The following SPATA6 variants were observed in gnomAD, a reference collection of about 807,000 sequenced individuals.
The protein encoded by SPATA6 is spermatogenesis associated 6, also known as spermatogenesis-associated protein 6.
Under a neutral mutation model 65.3 loss-of-function variants are expected in SPATA6, and 56 were observed. The observed-to-expected ratio is 0.86, with a 90% confidence interval of 0.69 to 1.07. The LOEUF is 1.07. Among genes scored for constraint, SPATA6 ranks in the 50% least tolerant of loss-of-function variants. SPATA6 has a pLI of 0.00. For synonymous variants in SPATA6, 199 were observed against 213.2 expected, an observed-to-expected ratio of 0.93 and a Z score of 0.58; for missense variants, 590 against 594.8, an observed-to-expected ratio of 0.99 and a Z score of 0.08.
chr1:48,460,289 T>C (rs1388172866), intron 1 of SPATA6, among the ~76,000 whole-genome samples: 1 of 152,186 alleles, frequency 6.6e-6, no homozygotes, highest in Non-Finnish European at 1.5e-5. Flanking sequence ...CTAAAAGGTA[T>C]ATTACAGCAT....
chr1:48,346,018 C>T (rs1646354674), intron 11 of SPATA6, among the ~76,000 whole-genome samples: 1 of 151,864 alleles, frequency 6.6e-6, no homozygotes, highest in Admixed American at 6.6e-5. Context: ...ATCCTGATGT[C>T]AAAACCTGGA....
rs150661825 is a variant in SPATA6 at position 48,368,769 on chromosome 1, T to C, written c.910-8999A>G. Among the ~76,000 whole-genome samples, 273 of 152,312 alleles carry C rather than the reference T, an allele frequency of 1.8e-3. 2 individuals are homozygous for C. The highest frequency in any genetic ancestry group is 0.015 in the East Asian group (80 of 5,178). ...CCTCCTGTAGCTCGGAGTAGTTTGA[T>C]CGTCCGAAGACTTCTTCTCTCAACT... On this transcript the variant is annotated intron_variant, in intron 9 of 12. Coordinates refer to ENST00000371847, the MANE Select transcript of SPATA6 (RefSeq NM_019073.4).
At chr1:48,464,837 T>C (rs564568902) in intron 1 of SPATA6, among the ~76,000 whole-genome samples, 32 of 152,294 alleles carry the variant, frequency 2.1e-4, no homozygotes, top group Admixed American at 2.1e-3. Context: ...TAATTATTGG[T>C]GATTATACAT....
intron 3 of SPATA6, among the ~76,000 whole-genome samples, chr1:48,429,069 A>G (rs1390787729): frequency 6.6e-6 from 1 of 151,592 alleles, no homozygotes; most frequent in African/African-American, 2.4e-5. Flanking sequence ...TCAAACTCCA[A>G]CCCACTGCAG....
intron 9 of SPATA6, among the ~76,000 whole-genome samples, chr1:48,364,840 C>A (rs768890254): frequency 6.6e-6 from 1 of 152,002 alleles, no homozygotes; most frequent in Non-Finnish European, 1.5e-5. Context: ...TTGTTGCCAC[C>A]GCTTTTGGTG....
intron 8 of SPATA6, 104 bp from the exon 9 acceptor site, chr1:48,385,453 G>T: frequency 1.0e-6 from 1 of 987,140 alleles, no homozygotes; most frequent in Non-Finnish European, 1.5e-6. Flanking sequence ...GAATATTTCA[G>T]AGATACTTCA....
At chr1:48,295,370 T>TGAG (rs1012709205), downstream of SPATA6, 1 of 152,160 alleles carries the variant, frequency 6.6e-6, no homozygotes, top group Non-Finnish European at 1.5e-5. Flanking sequence ...AAACAAAATG[T>TGAG]GGTATATTCA....
chr1:48,421,563 T>C (rs1368704321), intron 3 of SPATA6, among the ~76,000 whole-genome samples: 1 of 152,000 alleles, frequency 6.6e-6, no homozygotes, highest in Non-Finnish European at 1.5e-5. Context: ...ATATTTGAAA[T>C]AGACTGAAAA....
At chr1:48,437,674 G>A (rs1293308059) in intron 3 of SPATA6, among the ~76,000 whole-genome samples, 1 of 152,010 alleles carries the variant, frequency 6.6e-6, no homozygotes, top group Non-Finnish European at 1.5e-5. Context: ...CCCTTTTCTG[G>A]TAGAGGGAAA....
intron 4 of SPATA6, 152 bp from the exon 5 acceptor site, chr1:48,411,740 GAT>G: frequency 1.5e-6 from 1 of 649,098 alleles, no homozygotes; most frequent in Non-Finnish European, 2.2e-6. Context: ...TTAAAATAAA[GAT>G]ATGTTAAAAA....
intron 11 of SPATA6, among the ~76,000 whole-genome samples, chr1:48,326,778 C>A (rs1020563504): frequency 6.6e-6 from 1 of 152,004 alleles, no homozygotes; most frequent in Non-Finnish European, 1.5e-5. Context: ...CAATGAATAG[C>A]GCTGGGAGAA....
the SPATA6 span, among the ~76,000 whole-genome samples, chr1:48,287,391 C>T: frequency 1.3e-5 from 2 of 152,178 alleles, no homozygotes; most frequent in Non-Finnish European, 2.9e-5. Context: ...TGGGAGGACA[C>T]ACATCCAAAC....
chr1:48,397,359 A>G (rs1650699457), intron 7 of SPATA6, among the ~76,000 whole-genome samples: 1 of 151,768 alleles, frequency 6.6e-6, no homozygotes, highest in Non-Finnish European at 1.5e-5. Context: ...CGTATATTCT[A>G]CCACAATAGA....
At chr1:48,364,509 T>C (rs1406478119) in intron 9 of SPATA6, among the ~76,000 whole-genome samples, 1 of 152,256 alleles carries the variant, frequency 6.6e-6, no homozygotes, top group Non-Finnish European at 1.5e-5. Flanking sequence ...TGGTGTGAGA[T>C]GGTATCTCAT....
At chr1:48,358,734 C>A (rs1183452174) in intron 10 of SPATA6, among the ~76,000 whole-genome samples, 1 of 152,118 alleles carries the variant, frequency 6.6e-6, no homozygotes, top group Non-Finnish European at 1.5e-5. Flanking sequence ...CCCCACTATC[C>A]CGCAACAGGC....
At chr1:48,389,440 T>C (rs1649825018) in intron 8 of SPATA6, among the ~76,000 whole-genome samples, 1 of 152,166 alleles carries the variant, frequency 6.6e-6, no homozygotes, top group South Asian at 2.1e-4. Flanking sequence ...CAGTAATCCC[T>C]AAGCAGATAC....
chr1:48,446,317 C>G (rs1210893011), intron 3 of SPATA6, among the ~76,000 whole-genome samples: 1 of 152,098 alleles, frequency 6.6e-6, no homozygotes, highest in African/African-American at 2.4e-5. Flanking sequence ...AATTCTCCCT[C>G]TAGGATAGCA....
chr1:48,306,805 T>C (rs568343878), intron 11 of SPATA6, among the ~76,000 whole-genome samples: 279 of 152,056 alleles, frequency 1.8e-3, no homozygotes, highest in Non-Finnish European at 2.7e-3. Flanking sequence ...CAATAAATGA[T>C]AGAGCTTGTT....
At chr1:48,300,453 C>T (rs1011354224) in intron 12 of SPATA6, among the ~76,000 whole-genome samples, 11 of 151,956 alleles carry the variant, frequency 7.2e-5, no homozygotes, top group Middle Eastern at 3.2e-3. Context: ...AAAAGAAAAG[C>T]CCTGGATCTC....
Sources: gnomAD v4.1 joint callset for allele counts (sites outside exome capture counted in the v4.1 genomes callset) on GRCh38, gnomAD v4.1.1 for gene constraint, MANE v1.5 for transcripts, NCBI Gene and HGNC (gene_info 2026-07-23, HGNC 2026-07-21) for gene names.